Variants in TGFBR1 observed in about 807,000 individuals in gnomAD.
TGFBR1 encodes the protein transforming growth factor beta receptor 1.
A neutral mutation model predicts 55.1 loss-of-function variants in TGFBR1; 20 were observed. The ratio of observed to expected loss-of-function variants is 0.36; its 90% confidence interval spans 0.26 to 0.53. The LOEUF (loss-of-function observed/expected upper bound fraction) is 0.53. Ranked by LOEUF, TGFBR1 falls within the 20% of genes least tolerant of loss-of-function variation. TGFBR1 has a pLI of 0.91. For missense variants in TGFBR1, 385 were observed against 617.6 expected (o/e 0.62, Z 3.99); for synonymous variants, 220 against 214.8 (o/e 1.02, Z -0.21).
Position 99,152,541 on chromosome 9 carries a change from CT to C in TGFBR1, c.*3242del. On this transcript the variant is annotated 3_prime_UTR_variant, in exon 9 of 9. Transcript: ENST00000374994. ...ATTTTGTAGTACATGCATGAGTTAC[CT>C]TTTTTCTCTATGTCTGAGAACTGTC... is the stretch of plus-strand genomic sequence containing the variant. 2 of 230,120 alleles carry C rather than the reference CT, an allele frequency of 8.7e-6. No homozygotes were observed. The highest frequency in any genetic ancestry group is 6.2e-5 in the East Asian group (1 of 16,228). The allele number at this position is 230,120 out of a possible 1,614,324, so 14.3% of individuals were successfully genotyped here. A position where few individuals can be genotyped will look rare whatever the true frequency, so the allele number is the denominator to read the frequency against.
At chr9:99,119,386 TC>T (rs11466451) in intron 1 of TGFBR1, among the ~76,000 whole-genome samples, 124 of 152,294 alleles carry the variant, frequency 8.1e-4, no homozygotes, top group Non-Finnish European at 1.6e-3. Flanking sequence ...ACCAAGCCAG[TC>T]TCTCCTACAG....
chr9:99,120,176 C>T (rs915655602), intron 1 of TGFBR1, among the ~76,000 whole-genome samples: 1 of 152,136 alleles, frequency 6.6e-6, no homozygotes, highest in Admixed American at 6.5e-5. Context: ...GTGACTTCCT[C>T]AGGATTACTC....
intron 1 of TGFBR1, among the ~76,000 whole-genome samples, chr9:99,118,497 C>G (rs918008269): frequency 6.6e-6 from 1 of 152,032 alleles, no homozygotes; most frequent in African/African-American, 2.4e-5. Flanking sequence ...CTGCAATTTA[C>G]TGAAATTTTT....
At chr9:99,116,046 T>C (rs1299979445) in intron 1 of TGFBR1, among the ~76,000 whole-genome samples, 3 of 152,142 alleles carry the variant, frequency 2.0e-5, no homozygotes, top group East Asian at 3.8e-4. Context: ...ATTATTTTGC[T>C]TTCCTTCTTT....
rs1827257857 is a variant in TGFBR1 at position 99,132,370 on chromosome 9, A to AC, written c.344-139_344-138insC. 7.6e-6 allele frequency: 11 copies of AC among 1,439,028 alleles called. No homozygotes were observed. The Admixed American group carries it at 1.8e-4, about 23-fold the overall frequency. 89.1% of individuals were successfully genotyped at this position (1,439,028 alleles called of 1,614,324 possible). On this transcript the variant is annotated intron_variant, in intron 2 of 8. Transcript: ENST00000374994. ...ACTTGTTCTGGGTTTGAGCCCTGTA[A>AC]ACTGCTGTAATGAGGCTCTTTGGCT...
At chr9:99,142,417 T>C in intron 4 of TGFBR1, 119 bp from the exon 5 acceptor site, 1 of 1,067,916 alleles carries the variant, frequency 9.4e-7, no homozygotes, top group East Asian at 2.4e-5. Context: ...AAATACAGAC[T>C]TAAGGTGGCA....
At chr9:99,116,783 C>A (rs568285532) in intron 1 of TGFBR1, among the ~76,000 whole-genome samples, 19 of 152,214 alleles carry the variant, frequency 1.2e-4, no homozygotes, top group African/African-American at 4.6e-4. Flanking sequence ...GGTCTGAAAA[C>A]TTTATTAGCT....
intron 1 of TGFBR1, among the ~76,000 whole-genome samples, chr9:99,126,694 C>T (rs1369176889): frequency 6.6e-6 from 1 of 152,130 alleles, no homozygotes; most frequent in Non-Finnish European, 1.5e-5. Context: ...GAAGCCAGTC[C>T]ATGAATTCCT....
chr9:99,119,159 A>C (rs564341852), intron 1 of TGFBR1, among the ~76,000 whole-genome samples: 6 of 152,264 alleles, frequency 3.9e-5, no homozygotes, highest in Admixed American at 2.0e-4. Context: ...CCATCAGTTC[A>C]TTTCTTCAAC....
intron 7 of TGFBR1, among the ~76,000 whole-genome samples, chr9:99,147,358 A>G (rs779337253): frequency 3.9e-5 from 6 of 152,172 alleles, no homozygotes; most frequent in Admixed American, 6.5e-5. Context: ...TTTGCTGCAC[A>G]ATAGGGTTCT....
chr9:99,117,033 A>T (rs1173320497), intron 1 of TGFBR1, among the ~76,000 whole-genome samples: 1 of 152,182 alleles, frequency 6.6e-6, no homozygotes, highest in Admixed American at 6.5e-5. Context: ...GTGTTCTTCT[A>T]GGAGACTGCA....
At chr9:99,147,037 G>T (rs1225150475) in intron 7 of TGFBR1, among the ~76,000 whole-genome samples, 1 of 152,092 alleles carries the variant, frequency 6.6e-6, no homozygotes, top group African/African-American at 2.4e-5. Flanking sequence ...TGTTACCATT[G>T]TGTTGTATTC....
rs949782435 is a variant in TGFBR1, at chr9:99,125,374, A to G, written c.98-3481A>G. 3.2e-4 allele frequency among the ~76,000 whole-genome samples: 49 copies of G among 152,230 alleles called. 1 individual carries two copies. The highest frequency in any genetic ancestry group is 9.2e-4 in the African/African-American group (38 of 41,460). On this transcript the variant is annotated intron_variant, in intron 1 of 8. Coordinates refer to ENST00000374994, the MANE Select transcript of TGFBR1 (RefSeq NM_004612.4). ...ACATTATTGAAATCTTCATTAAATG[A>G]TTTTCTAAACCAGTTATTGCTGGAA...
At chr9:99,137,025 A>G (rs1298438283) in intron 3 of TGFBR1, among the ~76,000 whole-genome samples, 1 of 152,208 alleles carries the variant, frequency 6.6e-6, no homozygotes, top group African/African-American at 2.4e-5. Flanking sequence ...CAGGTAAGTT[A>G]GTAAACCCTT....
intron 1 of TGFBR1, among the ~76,000 whole-genome samples, chr9:99,105,875 C>T (rs895729742): frequency 3.3e-5 from 5 of 152,194 alleles, no homozygotes; most frequent in Non-Finnish European, 5.9e-5. Context: ...TGGTGAGACC[C>T]CTGGGTCCGC....
chr9:99,136,432 C>G (rs1827441015), intron 3 of TGFBR1, among the ~76,000 whole-genome samples: 1 of 152,122 alleles, frequency 6.6e-6, no homozygotes, highest in African/African-American at 2.4e-5. Context: ...GAAATTAACT[C>G]TTAAGTGTAC....
In TGFBR1 at chr9:99,132,396, A is replaced by T; in HGVS notation, c.344-113A>T. On this transcript the variant is annotated intron_variant, in intron 2 of 8. Coordinates refer to ENST00000374994, the MANE Select transcript of TGFBR1 (RefSeq NM_004612.4). ...ACTGCTGTAATGAGGCTCTTTGGCT[A>T]AGTGGTGGCAGTGGCCAGCTGCAGG... is the stretch of plus-strand genomic sequence containing the variant. The T allele has an allele frequency of 2.0e-6, 3 of 1,537,564 alleles. No individual in the cohort carries two copies. The Admixed American group carries it at 5.7e-5, about 29-fold the overall frequency.
chr9:99,115,756 T>C (rs569669381), intron 1 of TGFBR1, among the ~76,000 whole-genome samples: 1 of 152,334 alleles, frequency 6.6e-6, no homozygotes, highest in African/African-American at 2.4e-5. Flanking sequence ...CAATGTGTGA[T>C]AGATTTAAAT....
At chr9:99,111,508 A>G (rs1454612350) in intron 1 of TGFBR1, among the ~76,000 whole-genome samples, 2 of 151,934 alleles carry the variant, frequency 1.3e-5, no homozygotes, top group Non-Finnish European at 2.9e-5. Context: ...AGGCACCTGT[A>G]ATCCCAGCTG....
Sources: gnomAD v4.1 joint callset for allele counts (sites outside exome capture counted in the v4.1 genomes callset) on GRCh38, gnomAD v4.1.1 for gene constraint, MANE v1.5 for transcripts, NCBI Gene and HGNC (gene_info 2026-07-23, HGNC 2026-07-21) for gene names.